FMN2: variants seen among roughly 807,000 people sequenced by gnomAD.
The protein encoded by FMN2 is formin-2.
A neutral mutation model predicts 142.3 loss-of-function variants in FMN2; 51 were observed. The observed-to-expected ratio is 0.36, with a 90% CI of 0.29 to 0.45. The LOEUF (loss-of-function observed/expected upper bound fraction) is 0.45. Ranked by LOEUF, FMN2 falls within the 20% of genes least tolerant of loss-of-function variation. The pLI is 1.00. For missense variants in FMN2, 1,936 were observed against 2,122.8 expected, an observed-to-expected ratio of 0.91 and a Z score of 1.73; for synonymous variants, 882 against 869.8, an observed-to-expected ratio of 1.01 and a Z score of -0.25.
At chr1:240,431,970 C>T (rs973857579) in intron 15 of FMN2, among the ~76,000 whole-genome samples, 12 of 150,894 alleles carry the variant, frequency 8.0e-5, no homozygotes, top group African/African-American at 2.9e-4. Context: ...ATATCAACAT[C>T]AGGGTAAAGC....
intron 13 of FMN2, among the ~76,000 whole-genome samples, chr1:240,343,012 A>G (rs1011457916): frequency 2.0e-5 from 3 of 152,176 alleles, no homozygotes; most frequent in African/African-American, 7.2e-5. Context: ...GAGCATGAGC[A>G]AAGTTACCTA....
intron 2 of FMN2, among the ~76,000 whole-genome samples, chr1:240,123,566 C>T (rs1662380388): frequency 6.6e-6 from 1 of 151,454 alleles, no homozygotes; most frequent in South Asian, 2.1e-4. Context: ...GCCAAACCTC[C>T]TTTTCTTGAC....
At chr1:240,229,338 C>A (rs772452831) in intron 6 of FMN2, among the ~76,000 whole-genome samples, 1 of 152,142 alleles carries the variant, frequency 6.6e-6, no homozygotes, top group Non-Finnish European at 1.5e-5. Context: ...ATTCTTCCCC[C>A]TCTTCCTCAC....
At chr1:240,347,585 T>C (rs903406019) in intron 13 of FMN2, among the ~76,000 whole-genome samples, 3 of 152,188 alleles carry the variant, frequency 2.0e-5, no homozygotes, top group Admixed American at 2.0e-4. Flanking sequence ...CGGGGGTACA[T>C]GTGCCTTTTT....
chr1:240,118,192 A>G (rs1327130015), intron 1 of FMN2, among the ~76,000 whole-genome samples: 1 of 152,062 alleles, frequency 6.6e-6, no homozygotes, highest in Non-Finnish European at 1.5e-5. Context: ...GTTGTGACTG[A>G]TTGGGGCTGT....
chr1:240,145,082 C>A (rs10926141), intron 2 of FMN2: 793,484 of 1,434,264 alleles, frequency 0.55, 220,894 homozygotes, highest in Middle Eastern at 0.64. Context: ...TGGACGCAGA[C>A]ATTTGAGAGA....
chr1:240,294,968 A>C lies in FMN2; in HGVS notation c.4215+85A>C. ...GTGCACATATAGGCTCTTTGTTTTA[A>C]GGTCCTCTAAAGAAATTTGATCCGA... On this transcript the variant is annotated intron_variant, in intron 8 of 17. Coordinates refer to ENST00000319653, the MANE Select transcript of FMN2 (RefSeq NM_020066.5). 4 of 1,233,632 alleles carry C rather than the reference A, an allele frequency of 3.2e-6. No homozygotes were observed. The African/African-American group carries it at 4.5e-5, about 14-fold the overall frequency. The allele number at this position is 1,233,632 out of a possible 1,614,324, so 76.4% of individuals were successfully genotyped here.
At chr1:240,205,005 T>G (rs990149572) in intron 4 of FMN2, among the ~76,000 whole-genome samples, 3 of 152,226 alleles carry the variant, frequency 2.0e-5, no homozygotes, top group Non-Finnish European at 4.4e-5. Context: ...GGTAAGAGTT[T>G]AGTTTTATAC....
In FMN2 at chr1:240,208,682, T is replaced by C. The variant is rs1422686525; in HGVS notation, c.3870T>C (p.Cys1290=). The change falls in exon 5 of 18, where the codon TGT becomes TGC. Residue 1290 remains cysteine, a synonymous_variant. Coordinates refer to ENST00000319653, the MANE Select transcript of FMN2 (RefSeq NM_020066.5). ...GTAGGAAGCAGCCCATAGAGCCTTGTCGACCAATGAAGCCTCTTTACTGGA... is the reference window on the plus strand; with the variant it reads ...GTAGGAAGCAGCCCATAGAGCCTTGCCGACCAATGAAGCCTCTTTACTGGA... ...KGSRKQPIEP[C]RPMKPLYWTR... 1 of 1,613,844 alleles carries C rather than the reference T, an allele frequency of 6.2e-7. No individual in the cohort carries two copies. Among genetic ancestry groups the C allele is most frequent in the Admixed American group, 1.7e-5 (1 of 60,020 alleles).
At chr1:240,440,922 C>G (rs750386901) in intron 16 of FMN2, among the ~76,000 whole-genome samples, 1 of 151,722 alleles carries the variant, frequency 6.6e-6, no homozygotes, top group Non-Finnish European at 1.5e-5. Context: ...AACCACAGAG[C>G]CCTTCTAAGG....
chr1:240,358,988 G>C (rs558338683), intron 14 of FMN2, among the ~76,000 whole-genome samples: 5 of 152,182 alleles, frequency 3.3e-5, no homozygotes, highest in Non-Finnish European at 7.4e-5. Flanking sequence ...AGCCGGGTGT[G>C]GTGGTGCACA....
intron 5 of FMN2, among the ~76,000 whole-genome samples, chr1:240,210,670 G>A (rs1666655923): frequency 1.3e-5 from 2 of 152,188 alleles, no homozygotes; most frequent in Admixed American, 1.3e-4. Flanking sequence ...GGGGTGATGG[G>A]AGGCAGTAGG....
intron 16 of FMN2, among the ~76,000 whole-genome samples, chr1:240,468,793 T>A (rs987773623): frequency 1.3e-5 from 2 of 152,122 alleles, no homozygotes; most frequent in African/African-American, 2.4e-5. Flanking sequence ...TGATGAAATC[T>A]GCCACCGTAA....
chr1:240,375,446 A>T (rs1673011678), intron 14 of FMN2, among the ~76,000 whole-genome samples: 1 of 152,214 alleles, frequency 6.6e-6, no homozygotes, highest in African/African-American at 2.4e-5. Flanking sequence ...ACCTGCAATG[A>T]GATGTTATAG....
intron 1 of FMN2, among the ~76,000 whole-genome samples, chr1:240,112,846 G>A (rs1661867722): frequency 6.6e-6 from 1 of 152,176 alleles, no homozygotes; most frequent in South Asian, 2.1e-4. Context: ...CCGGGCCCTA[G>A]GGACTGACCT....
rs190290646 is a variant in FMN2 at position 240,181,256 on chromosome 1, G to A, written c.1930+3188G>A. 7.5e-3 allele frequency among the ~76,000 whole-genome samples: 1,114 copies of A among 149,172 alleles called. 7 individuals are homozygous for A. Among genetic ancestry groups the A allele is most frequent in the African/African-American group, 0.026 (1,073 of 40,594 alleles). ...TGACCTCAGGTGATCCACTCCCCTC[G>A]GCCTCCCAAAGTGCTGGGATTACAG... On this transcript the variant is annotated intron_variant, in intron 3 of 17. Coordinates refer to ENST00000319653, the MANE Select transcript of FMN2 (RefSeq NM_020066.5).
At chr1:240,095,221 T>G (rs370265689) in intron 1 of FMN2, among the ~76,000 whole-genome samples, 1 of 152,336 alleles carries the variant, frequency 6.6e-6, no homozygotes, top group East Asian at 1.9e-4. Context: ...CTAAGTGACA[T>G]TCACGTATAT....
chr1:240,294,475 G>T (rs181203461), intron 7 of FMN2, among the ~76,000 whole-genome samples: 269 of 152,322 alleles, frequency 1.8e-3, no homozygotes, highest in Non-Finnish European at 3.1e-3. Flanking sequence ...ATATAAAACT[G>T]GGATGTAGCA....
intron 16 of FMN2, among the ~76,000 whole-genome samples, chr1:240,456,985 C>T (rs9662729): frequency 1.3e-5 from 2 of 152,118 alleles, no homozygotes; most frequent in South Asian, 4.1e-4. Context: ...CCTTTGTCCT[C>T]TTCATTGTTC....
Sources: gnomAD v4.1 joint callset for allele counts (sites outside exome capture counted in the v4.1 genomes callset) on GRCh38, gnomAD v4.1.1 for gene constraint, MANE v1.5 for transcripts, NCBI Gene and HGNC (gene_info 2026-07-23, HGNC 2026-07-21) for gene names.